Variants in ROBO1 observed in about 807,000 individuals in gnomAD.
ROBO1 encodes roundabout guidance receptor 1, also known as roundabout homolog 1.
ROBO1 carries 149 observed loss-of-function variants against 195.9 expected under a neutral mutation model. That is an observed-to-expected ratio of 0.76 (90% CI 0.67 to 0.87). The LOEUF is 0.87. Ranked by LOEUF, ROBO1 falls within the 40% of genes least tolerant of loss-of-function variation. The probability of loss-of-function intolerance (pLI) is 0.00; values close to 1 mark genes in which losing one functional copy is unlikely to be tolerated. For missense variants in ROBO1, 1,933 were observed against 2,068.3 expected (o/e 0.93, Z 1.27); for synonymous variants, 816 against 733.2 (o/e 1.11, Z -1.82).
At chr3:79,615,025 G>A (rs895367182) in intron 1 of ROBO1, among the ~76,000 whole-genome samples, 2 of 152,022 alleles carry the variant, frequency 1.3e-5, no homozygotes, top group Admixed American at 6.6e-5. Flanking sequence ...GTCTGTCAAG[G>A]GAATTCCAAA....
intron 2 of ROBO1, among the ~76,000 whole-genome samples, chr3:79,583,403 G>A (rs1339355853): frequency 6.6e-6 from 1 of 151,864 alleles, no homozygotes; most frequent in African/African-American, 2.4e-5. Flanking sequence ...TACAAATTAT[G>A]ATTTTTCTTT....
chr3:78,860,719 G>A (rs2034779411), intron 4 of ROBO1, among the ~76,000 whole-genome samples: 1 of 152,050 alleles, frequency 6.6e-6, no homozygotes, highest in African/African-American at 2.4e-5. Context: ...GCCCATGCGA[G>A]AACCTTCCAG....
intron 2 of ROBO1, among the ~76,000 whole-genome samples, chr3:79,514,622 G>A (rs1940864287): frequency 6.6e-6 from 1 of 152,124 alleles, no homozygotes; most frequent in African/African-American, 2.4e-5. Flanking sequence ...TGGACAAGGA[G>A]TCAAGTGTTA....
intron 2 of ROBO1, among the ~76,000 whole-genome samples, chr3:79,471,141 T>G (rs1245197234): frequency 2.0e-5 from 3 of 151,954 alleles, no homozygotes; most frequent in African/African-American, 7.3e-5. Flanking sequence ...TTTCACCACA[T>G]ACAAAAATCA....
chr3:79,367,871 C>T (rs930365078), intron 2 of ROBO1, among the ~76,000 whole-genome samples: 1 of 152,120 alleles, frequency 6.6e-6, no homozygotes, highest in East Asian at 1.9e-4. Flanking sequence ...TTGTTTTGTG[C>T]CTAGCATACT....
intron 1 of ROBO1, among the ~76,000 whole-genome samples, chr3:79,668,434 AAC>A (rs760763077): frequency 6.9e-6 from 1 of 144,840 alleles, no homozygotes; most frequent in African/African-American, 2.5e-5. Flanking sequence ...CAAAAAAAAA[AAC>A]AGTGAAAGAA....
intron 2 of ROBO1, among the ~76,000 whole-genome samples, chr3:79,467,095 G>T (rs1012630307): frequency 6.6e-6 from 1 of 152,114 alleles, no homozygotes; most frequent in African/African-American, 2.4e-5. Context: ...GCAAATGTTT[G>T]CTCTTTGTAG....
chr3:79,248,617 T>C (rs2108902318), intron 2 of ROBO1, among the ~76,000 whole-genome samples: 1 of 152,070 alleles, frequency 6.6e-6, no homozygotes, highest in South Asian at 2.1e-4. Context: ...TGCTACTGAG[T>C]GAAGATGTAA....
intron 2 of ROBO1, among the ~76,000 whole-genome samples, chr3:79,375,778 T>G (rs571446422): frequency 1.6e-3 from 241 of 152,302 alleles, no homozygotes; most frequent in African/African-American, 5.7e-3. Flanking sequence ...AAACAAAAGC[T>G]GAGAGAAATT....
chr3:78,860,549 G>T (rs1290126103), intron 4 of ROBO1, among the ~76,000 whole-genome samples: 4 of 151,796 alleles, frequency 2.6e-5, no homozygotes, highest in Non-Finnish European at 5.9e-5. Context: ...AGAAGTAAAT[G>T]AGCTTAAAGA....
intron 2 of ROBO1, among the ~76,000 whole-genome samples, chr3:79,420,724 T>A (rs1360258361): frequency 3.3e-5 from 5 of 152,046 alleles, no homozygotes; most frequent in African/African-American, 1.2e-4. Context: ...CCATTAAAAA[T>A]TAAAAAATAA....
chr3:78,688,194 T>C (rs1012291300), intron 9 of ROBO1, among the ~76,000 whole-genome samples: 35 of 152,292 alleles, frequency 2.3e-4, no homozygotes, highest in Middle Eastern at 6.8e-3. Context: ...ACACAACATC[T>C]CTGTTAAAGA....
chr3:79,673,393 T>C (rs1421843122), intron 1 of ROBO1, among the ~76,000 whole-genome samples: 1 of 151,888 alleles, frequency 6.6e-6, no homozygotes. Flanking sequence ...ATGAGAGATT[T>C]AATGTTTTGG....
rs551450961 is a variant in ROBO1, at chr3:79,246,378, A to C, written c.89-120839T>G. On this transcript the variant is annotated intron_variant, in intron 2 of 30. Transcript: ENST00000464233. The stretch of plus-strand genomic sequence containing the variant: ...AGTTAGCTGGTGAATGAACTTGAAC[A>C]GTCTTGCCCCTGTGTCTAAATAACA... Among the ~76,000 whole-genome samples, 23 of 152,260 alleles carry C rather than the reference A, an allele frequency of 1.5e-4. No individual in the cohort carries two copies. The South Asian group carries it at 4.8e-3, about 32-fold the overall frequency.
At chr3:78,696,250 T>C (rs2081287572) in intron 8 of ROBO1, among the ~76,000 whole-genome samples, 1 of 152,086 alleles carries the variant, frequency 6.6e-6, no homozygotes, top group Non-Finnish European at 1.5e-5. Flanking sequence ...CGTTCCTTTC[T>C]GCTTTTAAGG....
At chr3:78,604,613 G>A (rs141641839) in intron 29 of ROBO1, among the ~76,000 whole-genome samples, 91 of 152,316 alleles carry the variant, frequency 6.0e-4, no homozygotes, top group Non-Finnish European at 8.7e-4. Context: ...GCATCAGCCT[G>A]AAATGCACAG....
At chr3:79,548,556 C>T (rs1942359120) in intron 2 of ROBO1, among the ~76,000 whole-genome samples, 1 of 152,122 alleles carries the variant, frequency 6.6e-6, no homozygotes, top group East Asian at 1.9e-4. Flanking sequence ...TCACATTCGT[C>T]TGGTAGGAAA....
At chr3:78,758,186 A>C (rs2082988411) in intron 4 of ROBO1, among the ~76,000 whole-genome samples, 1 of 152,150 alleles carries the variant, frequency 6.6e-6, no homozygotes, top group African/African-American at 2.4e-5. Context: ...ATTCTTATTA[A>C]TGATGCTATC....
At position 79,607,888 on chromosome 3, in the gene ROBO1, A is replaced by G. The variant is rs536650646; in HGVS notation, c.-50-17927T>C. ...GCCCTAAGGCATGTTTGCCATAACC[A>G]GGATGTTGAATATTTGCAGTCATTA... On this transcript the variant is annotated intron_variant, in intron 1 of 30. Coordinates refer to ENST00000464233, the MANE Select transcript of ROBO1 (RefSeq NM_002941.4). Among the ~76,000 whole-genome samples, 30 of 152,166 alleles carry G rather than the reference A, an allele frequency of 2.0e-4. 1 individual carries two copies. The Middle Eastern group carries it at 0.014, about 69-fold the overall frequency.
Sources: gnomAD v4.1 joint callset for allele counts (sites outside exome capture counted in the v4.1 genomes callset) on GRCh38, gnomAD v4.1.1 for gene constraint, MANE v1.5 for transcripts, NCBI Gene and HGNC (gene_info 2026-07-23, HGNC 2026-07-21) for gene names.